Variants in SLC1A4 observed in about 807,000 individuals in gnomAD.
SLC1A4 encodes the protein solute carrier family 1 member 4.
In SLC1A4, 19 loss-of-function variants were observed where a neutral mutation model predicts 37.7. The ratio of observed to expected loss-of-function variants is 0.50; its 90% CI spans 0.35 to 0.74. The LOEUF is 0.74. Among genes scored for constraint, SLC1A4 ranks in the 30% least tolerant of loss-of-function variants. The pLI, the probability that SLC1A4 is intolerant of heterozygous loss-of-function variation, is 0.01. For synonymous variants in SLC1A4, 299 were observed against 309.8 expected (o/e 0.97, Z 0.37); for missense variants, 570 against 712.9 (o/e 0.80, Z 2.28).
At chr2:65,008,012 C>A (rs1385429377) in intron 3 of SLC1A4, among the ~76,000 whole-genome samples, 1 of 152,164 alleles carries the variant, frequency 6.6e-6, no homozygotes, top group African/African-American at 2.4e-5. Flanking sequence ...CTCGTAACCA[C>A]CAATCTACTC....
intron 2 of SLC1A4, among the ~76,000 whole-genome samples, chr2:65,002,095 C>T (rs1396752388): frequency 6.6e-6 from 1 of 152,104 alleles, no homozygotes; most frequent in East Asian, 1.9e-4. Context: ...GCCTGGCCAA[C>T]ACGGTGAAAC....
In SLC1A4 at chr2:64,999,131, T is replaced by C. The variant is rs115216826; in HGVS notation, c.528-2317T>C. On this transcript the variant is annotated intron_variant, in intron 1 of 7. Transcript: ENST00000234256. The stretch of plus-strand genomic sequence containing the variant: ...TGGAAATAATAACAAATGTAAGTTG[T>C]TATTCATCTATACTCCGAAAACTAG... Among the ~76,000 whole-genome samples, 907 of 152,338 alleles carry C rather than the reference T, an allele frequency of 6.0e-3. 10 individuals carry two copies. Among genetic ancestry groups the C allele is most frequent in the African/African-American group, 0.021 (884 of 41,576 alleles).
chr2:64,989,365 G>A (rs892422612), upstream of SLC1A4: 3 of 313,282 alleles, frequency 9.6e-6, no homozygotes. Flanking sequence ...CTACTTCCCC[G>A]TCTGCGTCCG....
chr2:65,021,222 G>T lies in SLC1A4; in HGVS notation c.*76G>T. The T allele has an allele frequency of 8.1e-7, 1 of 1,236,832 alleles. No individual in the cohort carries two copies. 76.6% of individuals were successfully genotyped at this position (1,236,832 alleles called of 1,614,324 possible). The stretch of plus-strand genomic sequence containing the variant: ...ACCCAGCCGCCAGTCATGGACACAG[G>T]GCACTGCCCTTGCCAACTTTTACCC... On this transcript the variant is annotated 3_prime_UTR_variant, in exon 8 of 8. Coordinates refer to ENST00000234256, the MANE Select transcript of SLC1A4 (RefSeq NM_003038.5).
intron 7 of SLC1A4, among the ~76,000 whole-genome samples, chr2:65,019,863 G>T (rs1674339086): frequency 2.6e-5 from 4 of 152,244 alleles, no homozygotes; most frequent in Admixed American, 2.6e-4. Flanking sequence ...CGGCTGCCCA[G>T]TGGAGACCTG....
Position 64,995,129 on chromosome 2 carries a change from G to A in SLC1A4, c.527+4959G>A, listed in dbSNP as rs78688044. Among the ~76,000 whole-genome samples, 3,850 of 152,244 alleles carry A rather than the reference G, an allele frequency of 0.025. 370 individuals are homozygous for A. In the East Asian group the frequency reaches 0.26, roughly 10 times the overall value. ...TGACCATTTCTTTTACCTCCCAGGA[G>A]GACACCTGAATAGTTTAGAGACAGA... On this transcript the variant is annotated intron_variant, in intron 1 of 7. Coordinates refer to ENST00000234256, the MANE Select transcript of SLC1A4 (RefSeq NM_003038.5).
chr2:65,006,205 G>T (rs1214623761), intron 3 of SLC1A4, among the ~76,000 whole-genome samples: 1 of 152,022 alleles, frequency 6.6e-6, no homozygotes, highest in African/African-American at 2.4e-5. Context: ...CAGGCTTTAA[G>T]AAAGAGGCTG....
At chr2:65,002,546 G>GC (rs1471392768) in intron 2 of SLC1A4, among the ~76,000 whole-genome samples, 1 of 145,650 alleles carries the variant, frequency 6.9e-6, no homozygotes, top group Non-Finnish European at 1.5e-5. Flanking sequence ...TGGCAATGCT[G>GC]CAAGTAACAG....
rs1006294772 is a variant in SLC1A4, at chr2:65,021,342, G to A, written c.*196G>A. 1.7e-6 allele frequency: 1 copy of A among 589,598 alleles called. No homozygotes were observed. Among genetic ancestry groups the A allele is most frequent in the Non-Finnish European group, 3.0e-6 (1 of 331,046 alleles). 36.5% of individuals were successfully genotyped at this position (589,598 alleles called of 1,614,324 possible). On this transcript the variant is annotated 3_prime_UTR_variant, in exon 8 of 8. Transcript: ENST00000234256. Reference sequence around the variant, plus strand: ...GCCGGAACTGGTTACCAAGGACAAGGACACTCTGACATTCGGCTTGATCCA... The same window carrying A: ...GCCGGAACTGGTTACCAAGGACAAGAACACTCTGACATTCGGCTTGATCCA...
In SLC1A4 at chr2:65,018,027, T is replaced by A. The variant is rs1189284563; in HGVS notation, c.1035-44T>A. 1 of 1,570,116 alleles carries A rather than the reference T, an allele frequency of 6.4e-7. No individual in the cohort carries two copies. The highest frequency in any genetic ancestry group is 8.7e-7 in the Non-Finnish European group (1 of 1,144,122). ...GAGACAAGACACATGTTAGCCTGCC[T>A]CGGACTGTTGTCATGTCTGGCGGTT... On this transcript the variant is annotated intron_variant, in intron 5 of 7. Transcript: ENST00000234256. The surrounding 1 kb of genome is among the most constrained non-coding windows in gnomAD (Gnocchi z 4.3).
Position 65,018,388 on chromosome 2 carries a change from C to T in SLC1A4, c.1229+123C>T. 1 of 1,374,350 alleles carries T rather than the reference C, an allele frequency of 7.3e-7. No individual in the cohort carries two copies. Among genetic ancestry groups the T allele is most frequent in the South Asian group, 1.3e-5 (1 of 74,526 alleles). The allele number at this position is 1,374,350 out of a possible 1,614,324, so 85.1% of individuals were successfully genotyped here. A position where few individuals can be genotyped will look rare whatever the true frequency, so the allele number is the denominator to read the frequency against. On this transcript the variant is annotated intron_variant, in intron 6 of 7. Transcript: ENST00000234256. The surrounding 1 kb of genome is among the most constrained non-coding windows in gnomAD (Gnocchi z 4.3). Reference sequence around the variant, plus strand: ...AAATGAGGACAGTGGGGATTCATTACTTGAAGAGCGTGTGTTGACTCTCAA... The same window carrying T: ...AAATGAGGACAGTGGGGATTCATTATTTGAAGAGCGTGTGTTGACTCTCAA...
intron 2 of SLC1A4, among the ~76,000 whole-genome samples, chr2:65,003,447 T>C (rs1009902978): frequency 2.0e-5 from 3 of 152,208 alleles, no homozygotes; most frequent in South Asian, 2.1e-4. Context: ...CTCACATCCC[T>C]GGCTTTCAAG....
chr2:65,018,159 GCCA>G lies in SLC1A4; in HGVS notation c.1126_1128del (p.Thr376del), dbSNP rs767438733. 2 of 1,614,170 alleles carry G rather than the reference GCCA, an allele frequency of 1.2e-6. No individual in the cohort carries two copies. Among genetic ancestry groups the G allele is most frequent in the Non-Finnish European group, 1.7e-6 (2 of 1,180,030 alleles). On this transcript the variant is annotated inframe_deletion, in exon 6 of 8. Coordinates refer to ENST00000234256, the MANE Select transcript of SLC1A4 (RefSeq NM_003038.5). This position sits in a 1 kb window ranked among gnomAD's most constrained non-coding sequence, Gnocchi z 4.3. ...CAGCAGGTTTATTCTCCCCATCGGGGCCACCGTGAACATGGACGGAGCAGCCAT... is the reference window on the plus strand; with the variant it reads ...CAGCAGGTTTATTCTCCCCATCGGGGCCGTGAACATGGACGGAGCAGCCAT...
chr2:65,006,807 G>A (rs1673694227), intron 3 of SLC1A4, among the ~76,000 whole-genome samples: 1 of 152,196 alleles, frequency 6.6e-6, no homozygotes, highest in African/African-American at 2.4e-5. Flanking sequence ...AAGTATGGTG[G>A]CGTGTGCCTG....
At chr2:64,991,107 G>C (rs973137562) in intron 1 of SLC1A4, among the ~76,000 whole-genome samples, 4 of 152,170 alleles carry the variant, frequency 2.6e-5, no homozygotes, top group African/African-American at 7.2e-5. Flanking sequence ...TTTGGATTCT[G>C]AGCCTTGGAG....
chr2:65,020,874 G>A, intron 7 of SLC1A4, 38 bp from the exon 8 acceptor site: 2 of 1,560,834 alleles, frequency 1.3e-6, no homozygotes, highest in Non-Finnish European at 1.8e-6. Context: ...CGATCGCCCA[G>A]CAGTAGATAT....
chr2:65,009,934 A>AT (rs35311819), intron 3 of SLC1A4, among the ~76,000 whole-genome samples: 1,862 of 145,336 alleles, frequency 0.013, 49 homozygotes, highest in East Asian at 0.087. Flanking sequence ...TCTGAAGGAA[A>AT]TTTTTTTTTT....
At chr2:64,995,748 A>T (rs931842744) in intron 1 of SLC1A4, among the ~76,000 whole-genome samples, 1 of 152,196 alleles carries the variant, frequency 6.6e-6, no homozygotes, top group Non-Finnish European at 1.5e-5. Flanking sequence ...TAGATTTGGT[A>T]AAGAATTTTT....
At position 65,016,508 on chromosome 2, in the gene SLC1A4, T is replaced by A; in HGVS notation, c.869T>A (p.Leu290Gln). The A allele has an allele frequency of 6.2e-7, 1 of 1,614,262 alleles. No individual in the cohort carries two copies. The highest frequency in any genetic ancestry group is 8.5e-7 in the Non-Finnish European group (1 of 1,180,044). Residue 290 changes from leucine to glutamine, a missense_variant, in exon 5 of 8, where the codon CTG becomes CAG. By Grantham distance (113) the Leu-to-Gln change is moderately radical. Transcript: ENST00000234256. ...GTGGAAATGAAAGACATCATCGTGC[T>A]GGTGACCAGCCTGGGGAAATACATC... The part of the protein sequence containing the change: ...KIVEMKDIIV[L>Q]VTSLGKYIFA...
Sources: gnomAD v4.1 joint callset for allele counts (sites outside exome capture counted in the v4.1 genomes callset) on GRCh38, gnomAD v4.1.1 for gene constraint, Gnocchi (gnomAD v3.1) non-coding constraint, MANE v1.5 for transcripts, NCBI Gene and HGNC (gene_info 2026-07-23, HGNC 2026-07-21) for gene names.